FLG: variants seen among roughly 807,000 people sequenced by gnomAD.
FLG encodes the protein epidermal filaggrin.
FLG carries 6 observed loss-of-function variants against 3.8 expected under a neutral mutation model. That is an observed-to-expected ratio of 1.60 (90% CI 0.87 to 3.15). The LOEUF is 3.15. FLG is among the 30% of genes most tolerant of loss of function. FLG has a pLI of 0.00. For missense variants in FLG, 7,595 were observed against 5,050.9 expected (o/e 1.50, Z -15.27); for synonymous variants, 2,551 against 1,931.6 (o/e 1.32, Z -8.41).
chr1:152,307,749 G>T lies in FLG; in HGVS notation c.7137C>A (p.Asp2379Glu). Residue 2379 changes from aspartate to glutamate, a missense_variant, in exon 3 of 3, where the codon GAC becomes GAA. Transcript: ENST00000368799. ...GTCCGTGGGCTGACACTGACTGTGTGTCTGAGTCTTCTGAATGTCCCTCAC... is the reference window on the plus strand; with the variant it reads ...GTCCGTGGGCTGACACTGACTGTGTTTCTGAGTCTTCTGAATGTCCCTCAC... The part of the protein sequence containing the change: ...SDSEGHSEDS[D>E]TQSVSAHGQA... 6.2e-7 allele frequency: 1 copy of T among 1,613,314 alleles called. No individual in the cohort carries two copies.
rs757587083 is a variant in FLG at position 152,307,971 on chromosome 1, A to C, written c.6915T>G (p.His2305Gln). ...SAESSRQSGT[H>Q]HAENSSGGQA... ...GTCCACCAGAGGAATTCTCTGCATGATGAGTGCCTGATTGTCTGGAGCTCT... is the reference window on the plus strand; with the variant it reads ...GTCCACCAGAGGAATTCTCTGCATGCTGAGTGCCTGATTGTCTGGAGCTCT... Residue 2305 changes from histidine to glutamine, a missense_variant, in exon 3 of 3, where the codon CAT (histidine) becomes CAG (glutamine). Physicochemically the swap from His to Gln is conservative, Grantham distance 24. Coordinates refer to ENST00000368799, the MANE Select transcript of FLG (RefSeq NM_002016.2). 1 of 1,614,088 alleles carries C rather than the reference A, an allele frequency of 6.2e-7. No individual in the cohort carries two copies. Among genetic ancestry groups the C allele is most frequent in the Admixed American group, 1.7e-5 (1 of 60,026 alleles).
At position 152,312,675 on chromosome 1, in the gene FLG, A is replaced by C; in HGVS notation, c.2211T>G (p.Ser737Arg). The C allele has an allele frequency of 6.2e-7, 1 of 1,613,818 alleles. No individual in the cohort carries two copies. Among genetic ancestry groups the C allele is most frequent in the Non-Finnish European group, 8.5e-7 (1 of 1,179,960 alleles). Residue 737 changes from serine to arginine, a missense_variant, in exon 3 of 3, where the codon AGT becomes AGG. Coordinates refer to ENST00000368799, the MANE Select transcript of FLG (RefSeq NM_002016.2). ...GACTACCACTGGACCCTCGGTGTCC[A>C]CTGTCTCTGACTGCAGATGAAGCTT... ...HGQASSAVRD[S>R]GHRGSSGSQA...
Position 152,310,226 on chromosome 1 carries a change from A to T in FLG, c.4660T>A (p.Ser1554Thr), listed in dbSNP as rs750171980. Residue 1554 changes from serine to threonine, a missense_variant, in exon 3 of 3, where the codon TCC becomes ACC. By Grantham distance (58) the Ser-to-Thr change is moderately conservative (BLOSUM62 1). Transcript: ENST00000368799. ...TGGTGACGTGACCCTGAGTGCCTGG[A>T]GCCGTCTCCTGATTGTTCCTCATTT... ...TRNEEQSGDG[S>T]RHSGSRHHEP... The T allele has an allele frequency of 1.9e-6, 3 of 1,613,454 alleles. No individual in the cohort carries two copies. The highest frequency in any genetic ancestry group is 1.7e-5 in the Admixed American group (1 of 59,974).
In FLG at chr1:152,303,803, A is replaced by G. The variant is rs759836648; in HGVS notation, c.11083T>C (p.Ser3695Pro). Reference sequence around the variant, plus strand: ...CTTCCTGCTGACCGGCCACGTGTGGACTCTTGGTGGCTCTGCTGATGGGGC... The same window carrying G: ...CTTCCTGCTGACCGGCCACGTGTGGGCTCTTGGTGGCTCTGCTGATGGGGC... ...AGPHQQSHQE[S>P]TRGRSAGRSG... The change falls in exon 3 of 3, where the codon TCC (serine) becomes CCC (proline). Residue 3695 changes from serine to proline, a missense_variant. Physicochemically the swap from Ser to Pro is moderately conservative, Grantham distance 74. Transcript: ENST00000368799. The G allele has an allele frequency of 6.2e-7, 1 of 1,610,986 alleles. No individual in the cohort carries two copies. Among genetic ancestry groups the G allele is most frequent in the Non-Finnish European group, 8.5e-7 (1 of 1,178,974 alleles).
chr1:152,310,136 A>T lies in FLG; in HGVS notation c.4750T>A (p.Ser1584Thr), dbSNP rs1226931702. 5 of 1,612,358 alleles carry T rather than the reference A, an allele frequency of 3.1e-6. No individual in the cohort carries two copies. Among genetic ancestry groups the T allele is most frequent in the Non-Finnish European group, 3.4e-6 (4 of 1,179,642 alleles). ...GATCCCTGGCGCCTGCTTGTCTTGG[A>T]CCCCGCTGATTCTCCCTGGCCCACC... is the stretch of plus-strand genomic sequence containing the variant. ...SQVGQGESAG[S>T]KTSRRQGSSV... is the part of the protein sequence containing the mutation. Residue 1584 changes from serine to threonine, a missense_variant, in exon 3 of 3, where the codon TCC becomes ACC. Ser to Thr is a moderately conservative substitution (Grantham distance 58, BLOSUM62 1). Coordinates refer to ENST00000368799, the MANE Select transcript of FLG (RefSeq NM_002016.2).
At position 152,315,334 on chromosome 1, in the gene FLG, A is replaced by C; in HGVS notation, c.123T>G (p.Phe41Leu). 3.1e-6 allele frequency: 5 copies of C among 1,613,404 alleles called. No homozygotes were observed. The highest frequency in any genetic ancestry group is 4.2e-6 in the Non-Finnish European group (5 of 1,179,592). The part of the protein sequence containing the change: ...KELKELLEKE[F>L]RQILKNPDDP... ...AGACTCTTACCTTCAGGATTTGCCG[A>C]AATTCCTTTTCCAGAAGTTCCTTCA... is the stretch of plus-strand genomic sequence containing the variant. The change falls in exon 2 of 3, where the codon TTT (phenylalanine) becomes TTG (leucine). Residue 41 changes from phenylalanine to leucine, a missense_variant. Physicochemically the swap from Phe to Leu is conservative, Grantham distance 22. Transcript: ENST00000368799.
chr1:152,302,286 T>A lies in FLG; in HGVS notation c.*414A>T, dbSNP rs888618581. 3 of 205,586 alleles carry A rather than the reference T, an allele frequency of 1.5e-5. No individual in the cohort carries two copies. The highest frequency in any genetic ancestry group is 7.1e-5 in the African/African-American group (3 of 42,236). 12.7% of individuals were successfully genotyped at this position (205,586 alleles called of 1,614,324 possible). A position where few individuals can be genotyped will look rare whatever the true frequency, so the allele number is the denominator to read the frequency against. On this transcript the variant is annotated 3_prime_UTR_variant, in exon 3 of 3. Transcript: ENST00000368799. ...AATAGAAGGATAATAGAGAAAGATG[T>A]GCTAGCCCTGATGTTGATATAGCCA...
At chr1:152,317,909 C>T (rs745703581) in intron 1 of FLG, among the ~76,000 whole-genome samples, 2 of 151,958 alleles carry the variant, frequency 1.3e-5, no homozygotes, top group African/African-American at 2.4e-5. Flanking sequence ...TGGCTCAAGT[C>T]GTAAACCTGA....
chr1:152,307,616 A>T lies in FLG; in HGVS notation c.7270T>A (p.Ser2424Thr), dbSNP rs1178862885. 1 of 1,612,982 alleles carries T rather than the reference A, an allele frequency of 6.2e-7. No individual in the cohort carries two copies. Among genetic ancestry groups the T allele is most frequent in the Non-Finnish European group, 8.5e-7 (1 of 1,179,806 alleles). The change falls in exon 3 of 3, where the codon TCT (serine) becomes ACT (threonine). Residue 2424 changes from serine to threonine, a missense_variant. By Grantham distance (58) the Ser-to-Thr change is moderately conservative. Coordinates refer to ENST00000368799, the MANE Select transcript of FLG (RefSeq NM_002016.2). ...FLYQVSTHEQ[S>T]ESAHGRTGTS... ...CCGGTCCGTCCATGGGCGGACTCAG[A>T]CTGTTCATGAGTGCTCACCTGGTAG...
At position 152,303,516 on chromosome 1, in the gene FLG, G is replaced by T; in HGVS notation, c.11370C>A (p.His3790Gln). The T allele has an allele frequency of 6.2e-7, 1 of 1,614,106 alleles. No individual in the cohort carries two copies. Among genetic ancestry groups the T allele is most frequent in the Non-Finnish European group, 8.5e-7 (1 of 1,180,012 alleles). ...CATCAGACCTTCCCTGGGATGTGGTGTGGCTGTGATGGGACCCTGAGTGTC... is the reference window on the plus strand; with the variant it reads ...CATCAGACCTTCCCTGGGATGTGGTTTGGCTGTGATGGGACCCTGAGTGTC... Reference protein sequence around the residue: ...RSGHSGSHHSHTTSQGRSDAS... With the variant: ...RSGHSGSHHSQTTSQGRSDAS... The change falls in exon 3 of 3, where the codon CAC becomes CAA. Residue 3790 changes from histidine to glutamine, a missense_variant. Transcript: ENST00000368799.
chr1:152,309,034 C>A lies in FLG; in HGVS notation c.5852G>T (p.Arg1951Ile), dbSNP rs199938078. ...NHLGSAWEQSRDGSRHPGSHH... is the reference protein window; with the variant it reads ...NHLGSAWEQSIDGSRHPGSHH... ...GGACCCAGGGTGTCTGGAGCCATCTCTTGACTGCTCCCAAGCAGATCCAAG... is the reference window on the plus strand; with the variant it reads ...GGACCCAGGGTGTCTGGAGCCATCTATTGACTGCTCCCAAGCAGATCCAAG... The change falls in exon 3 of 3, where the codon AGA (arginine) becomes ATA (isoleucine). Residue 1951 changes from arginine to isoleucine, a missense_variant. By Grantham distance (97) the Arg-to-Ile change is moderately conservative. Transcript: ENST00000368799. 4.6e-5 allele frequency: 74 copies of A among 1,614,136 alleles called. No homozygotes were observed. In the Middle Eastern group the frequency reaches 6.6e-4, roughly 14 times the overall value.
chr1:152,304,128 G>T lies in FLG; in HGVS notation c.10758C>A (p.Ala3586=), dbSNP rs147217287. ...AGCTCTCTGCAGAGTGCCCGTGACC[G>T]GCTCTGTCTTCGTGATGGGACGTGG... ...RHPTSHHEDR[A]GHGHSAESSR... The change falls in exon 3 of 3, where the codon GCC becomes GCA. Residue 3586 remains alanine (A), a synonymous_variant. Coordinates refer to ENST00000368799, the MANE Select transcript of FLG (RefSeq NM_002016.2). 1 of 1,586,092 alleles carries T rather than the reference G, an allele frequency of 6.3e-7. No homozygotes were observed. Among genetic ancestry groups the T allele is most frequent in the Non-Finnish European group, 8.6e-7 (1 of 1,166,266 alleles).
rs370483182 is a variant in FLG at position 152,312,443 on chromosome 1, C to T, written c.2443G>A (p.Gly815Arg). 1.1e-5 allele frequency: 18 copies of T among 1,613,610 alleles called. No homozygotes were observed. In the East Asian group the frequency reaches 1.3e-4, roughly 12 times the overall value. Residue 815 changes from glycine to arginine, a missense_variant, in exon 3 of 3, where the codon GGA becomes AGA. Coordinates refer to ENST00000368799, the MANE Select transcript of FLG (RefSeq NM_002016.2). ...SSHGWTGPSTGVRQGSHHEQA... is the reference protein window; with the variant it reads ...SSHGWTGPSTRVRQGSHHEQA... ...TCATGGTGGGATCCTTGTCTTACTC[C>T]AGTGCTGGGCCCTGTCCATCCATGG...
Position 152,310,009 on chromosome 1 carries a change from G to C in FLG, c.4877C>G (p.Ser1626Ter), listed in dbSNP as rs1354185952. The C allele has an allele frequency of 6.2e-7, 1 of 1,613,894 alleles. No individual in the cohort carries two copies. Among genetic ancestry groups the C allele is most frequent in the Non-Finnish European group, 8.5e-7 (1 of 1,180,014 alleles). ...RNHYGSAREQ[S>*]RHGSRNPRSH... ...CCTGGGGTTCCTGGAGCCATGTCTT[G>C]ACTGCTCCCGAGCAGATCCATAATG... is the stretch of plus-strand genomic sequence containing the variant. Residue 1626 changes from serine (S) to a stop codon, truncating the protein, a stop_gained, in exon 3 of 3, where the codon TCA (serine) becomes TGA (stop). Transcript: ENST00000368799. LOFTEE classifies it low-confidence loss of function (END_TRUNC).
In FLG at chr1:152,308,540, C is replaced by T. The variant is rs368465259; in HGVS notation, c.6346G>A (p.Gly2116Arg). The part of the protein sequence containing the change: ...QSAPSTGGRQ[G>R]SHYDQAQDSS... ...TCTTGTGCCTGATCATAATGGGATC[C>T]TTGTCTTCCTCCAGTGCTGGGCGCA... The change falls in exon 3 of 3, where the codon GGA (glycine) becomes AGA (arginine). Residue 2116 changes from glycine to arginine, a missense_variant. Gly to Arg is a moderately radical substitution (Grantham distance 125). Transcript: ENST00000368799. The T allele has an allele frequency of 5.9e-5, 95 of 1,613,498 alleles. No homozygotes were observed. Among genetic ancestry groups the T allele is most frequent in the Non-Finnish European group, 7.5e-5 (88 of 1,179,708 alleles).
rs375266160 is a variant in FLG, at chr1:152,311,115, T to G, written c.3771A>C (p.Ser1257=). 1.2e-6 allele frequency: 2 copies of G among 1,613,722 alleles called. No homozygotes were observed. The highest frequency in any genetic ancestry group is 1.7e-6 in the Non-Finnish European group (2 of 1,179,974). Residue 1257 remains serine, a synonymous_variant, in exon 3 of 3, where the codon TCA becomes TCC. Coordinates refer to ENST00000368799, the MANE Select transcript of FLG (RefSeq NM_002016.2). The stretch of plus-strand genomic sequence containing the variant: ...GGTGCCTGCTTGTCCTGGACCCCGA[T>G]GATTGTTCCTGTCCCACCTGTGAGT... ...SRHSQVGQEQ[S]SGSRTSRHQG... is the part of the protein sequence containing the mutation.
In FLG at chr1:152,305,102, C is replaced by G. The variant is rs537701370; in HGVS notation, c.9784G>C (p.Ala3262Pro). The G allele has an allele frequency of 1.4e-5, 22 of 1,613,764 alleles. No homozygotes were observed. In the Middle Eastern group the frequency reaches 8.2e-4, roughly 60 times the overall value. Residue 3262 changes from alanine to proline, a missense_variant, in exon 3 of 3, where the codon GCC becomes CCC. Transcript: ENST00000368799. ...RHPRSHHEDR[A>P]GHGHSADRSR... ...CGGTCTGCAGAGTGCCCGTGACCGG[C>G]TCTGTCTTCGTGATGGGACCTGGGG...
intron 1 of FLG, among the ~76,000 whole-genome samples, chr1:152,320,973 A>G (rs1367079464): frequency 6.6e-6 from 1 of 151,042 alleles, no homozygotes; most frequent in Non-Finnish European, 1.5e-5. Flanking sequence ...AATATTTTGA[A>G]CTAAATGAAA....
rs750014132 is a variant in FLG, at chr1:152,313,329, G to A, written c.1557C>T (p.His519=). 1.9e-6 allele frequency: 3 copies of A among 1,613,326 alleles called. No individual in the cohort carries two copies. The highest frequency in any genetic ancestry group is 2.2e-5 in the South Asian group (2 of 91,030). ...GCCTTCCTCCTCTGCTTGACCCCGG[G>A]TGTCCACGAATGGTGTCCTGACCCT... The part of the protein sequence containing the change: ...SQEGQDTIRG[H]PGSSRGGRQG... Residue 519 remains histidine, a synonymous_variant, in exon 3 of 3, where the codon CAC becomes CAT. Transcript: ENST00000368799.
Sources: gnomAD v4.1 joint callset for allele counts (sites outside exome capture counted in the v4.1 genomes callset) on GRCh38, gnomAD v4.1.1 for gene constraint, MANE v1.5 for transcripts, NCBI Gene and HGNC (gene_info 2026-07-23, HGNC 2026-07-21) for gene names.